Variants in WWOX observed in about 807,000 individuals in gnomAD.
WWOX encodes WW domain-containing oxidoreductase.
Under a neutral mutation model 46.2 loss-of-function variants are expected in WWOX, and 69 were observed. That is an observed-to-expected ratio of 1.49 (90% confidence interval 1.23 to 1.82). WWOX has a LOEUF of 1.82. WWOX is among the 40% of genes most tolerant of loss of function. WWOX has a pLI of 0.00. For synonymous variants in WWOX, 359 were observed against 202.6 expected (o/e 1.77, Z -6.56); for missense variants, 919 against 542.6 (o/e 1.69, Z -6.89).
intron 8 of WWOX, among the ~76,000 whole-genome samples, chr16:78,533,297 C>G (rs987816856): frequency 6.6e-6 from 1 of 151,980 alleles, no homozygotes; most frequent in African/African-American, 2.4e-5. Flanking sequence ...AATCCCAGCA[C>G]TTTTGGGTCA....
intron 8 of WWOX, among the ~76,000 whole-genome samples, chr16:78,609,080 T>G (rs2151627776): frequency 6.6e-6 from 1 of 152,274 alleles, no homozygotes; most frequent in East Asian, 1.9e-4. Context: ...GTATGTCAAA[T>G]ACCTTTCTGT....
At chr16:78,669,454 C>G (rs986573846) in intron 8 of WWOX, among the ~76,000 whole-genome samples, 1 of 152,190 alleles carries the variant, frequency 6.6e-6, no homozygotes, top group Non-Finnish European at 1.5e-5. Context: ...GAACTGGAAG[C>G]AGGAAGAAGT....
intron 8 of WWOX, among the ~76,000 whole-genome samples, chr16:78,439,699 T>C (rs771134389): frequency 2.0e-5 from 3 of 152,242 alleles, no homozygotes; most frequent in Non-Finnish European, 4.4e-5. Flanking sequence ...CCGCAAGTTA[T>C]TAACACCCAC....
chr16:78,939,631 A>G (rs1443220711), intron 8 of WWOX, among the ~76,000 whole-genome samples: 1 of 152,264 alleles, frequency 6.6e-6, no homozygotes, highest in Non-Finnish European at 1.5e-5. Context: ...CAAATTATTC[A>G]ATGATCAAAT....
At chr16:79,061,150 G>T (rs1217170048) in intron 8 of WWOX, among the ~76,000 whole-genome samples, 1 of 151,590 alleles carries the variant, frequency 6.6e-6, no homozygotes, top group Non-Finnish European at 1.5e-5. Flanking sequence ...TTATGTTGAG[G>T]GAGAAATGAT....
At chr16:78,478,470 G>T (rs1176614274) in intron 8 of WWOX, among the ~76,000 whole-genome samples, 1 of 152,178 alleles carries the variant, frequency 6.6e-6, no homozygotes, top group African/African-American at 2.4e-5. Context: ...TGATAATGAC[G>T]TATTTCCCTC....
At chr16:78,916,120 C>T (rs767319389) in intron 8 of WWOX, among the ~76,000 whole-genome samples, 2 of 152,128 alleles carry the variant, frequency 1.3e-5, no homozygotes, top group Non-Finnish European at 2.9e-5. Flanking sequence ...TGTACTCCCG[C>T]ACAGATAACC....
chr16:78,547,309 G>C (rs2667650), intron 8 of WWOX, among the ~76,000 whole-genome samples: 1 of 151,798 alleles, frequency 6.6e-6, no homozygotes, highest in African/African-American at 2.4e-5. Context: ...ACTAGAGGGG[G>C]CACTATTAGT....
chr16:78,400,823 G>C (rs567810036), intron 6 of WWOX, among the ~76,000 whole-genome samples: 3 of 152,300 alleles, frequency 2.0e-5, no homozygotes, highest in Non-Finnish European at 4.4e-5. Flanking sequence ...TATCAGAATA[G>C]CACTTTGTTA....
chr16:78,965,123 G>C (rs1381001337), intron 8 of WWOX, among the ~76,000 whole-genome samples: 3 of 152,248 alleles, frequency 2.0e-5, no homozygotes, highest in Non-Finnish European at 2.9e-5. Context: ...CCTCCAGGCA[G>C]AGTCCATACT....
Position 79,191,159 on chromosome 16 carries a change from T to C in WWOX, c.1057-20449T>C, listed in dbSNP as rs2051128208. Among the ~76,000 whole-genome samples the C allele has an allele frequency of 3.9e-5, 6 of 152,092 alleles. No individual in the cohort carries two copies. In the South Asian group the frequency reaches 1.2e-3, roughly 32 times the overall value. Reference sequence around the variant, plus strand: ...GCCTCCGCCTCTCGGGTTCAAGCGATTCTTCTGCCTCAGCTTCCCGAGTAG... The same window carrying C: ...GCCTCCGCCTCTCGGGTTCAAGCGACTCTTCTGCCTCAGCTTCCCGAGTAG... On this transcript the variant is annotated intron_variant, in intron 8 of 8. Coordinates refer to ENST00000566780, the MANE Select transcript of WWOX (RefSeq NM_016373.4).
intron 8 of WWOX, among the ~76,000 whole-genome samples, chr16:78,735,710 A>G (rs760742564): frequency 3.3e-5 from 5 of 152,100 alleles, no homozygotes; most frequent in Non-Finnish European, 7.3e-5. Flanking sequence ...TGGCTCAAGT[A>G]CTAGTTCTAT....
intron 5 of WWOX, among the ~76,000 whole-genome samples, chr16:78,185,267 T>C (rs934852304): frequency 6.6e-6 from 1 of 152,160 alleles, no homozygotes; most frequent in African/African-American, 2.4e-5. Context: ...TGTTATTTAA[T>C]TGATGTTCTA....
rs114141327 is a variant in WWOX, at chr16:78,948,510, G to A, written c.1057-263098G>A. ...ACCTCCCGTTTCCTGAAAGGCACCA[G>A]ACCCCAAGACAGCTCTGCTGCCTGA... On this transcript the variant is annotated intron_variant, in intron 8 of 8. Transcript: ENST00000566780. Among the ~76,000 whole-genome samples, 187 of 152,242 alleles carry A rather than the reference G, an allele frequency of 1.2e-3. 1 individual carries two copies. The highest frequency in any genetic ancestry group is 6.8e-3 in the Middle Eastern group (2 of 292).
chr16:78,907,870 G>C (rs1350101340), intron 8 of WWOX, among the ~76,000 whole-genome samples: 1 of 152,126 alleles, frequency 6.6e-6, no homozygotes, highest in Non-Finnish European at 1.5e-5. Context: ...AAGTTCCAAA[G>C]CCCGTGGCAT....
At chr16:78,335,861 G>GC (rs2080877554) in intron 5 of WWOX, among the ~76,000 whole-genome samples, 1 of 152,142 alleles carries the variant, frequency 6.6e-6, no homozygotes, top group Admixed American at 6.5e-5. Flanking sequence ...TGAGGCCGAG[G>GC]CGGGTGGATC....
intron 8 of WWOX, among the ~76,000 whole-genome samples, chr16:78,739,980 G>A (rs950913315): frequency 6.6e-6 from 1 of 151,952 alleles, no homozygotes; most frequent in Non-Finnish European, 1.5e-5. Context: ...TTATCTCACC[G>A]GTGGAGACAT....
intron 8 of WWOX, among the ~76,000 whole-genome samples, chr16:78,858,391 T>C (rs544305541): frequency 2.0e-5 from 3 of 152,084 alleles, no homozygotes; most frequent in African/African-American, 4.8e-5. Context: ...TATGTATCTG[T>C]ATATGTATAA....
intron 8 of WWOX, among the ~76,000 whole-genome samples, chr16:78,484,854 T>C (rs964655516): frequency 2.0e-5 from 3 of 152,116 alleles, no homozygotes; most frequent in African/African-American, 7.2e-5. Context: ...TGAAGTGCCA[T>C]TGCATTTGTC....
Sources: allele counts gnomAD v4.1 joint callset (sites outside exome capture counted in the v4.1 genomes callset), GRCh38; gene constraint gnomAD v4.1.1; transcripts MANE v1.5; gene names NCBI Gene and HGNC (gene_info 2026-07-23, HGNC 2026-07-21).